The following ADIRF variants were observed in gnomAD, a reference collection of about 807,000 sequenced individuals.
The protein encoded by ADIRF is adipogenesis factor rich in obesity.
Under a neutral mutation model 7.8 loss-of-function variants are expected in ADIRF, and 9 were observed. That is an observed-to-expected ratio of 1.15 (90% CI 0.70 to 2.01). The LOEUF (loss-of-function observed/expected upper bound fraction) is 2.01. ADIRF is among the 30% of genes most tolerant of loss of function. The pLI, the probability that ADIRF is intolerant of heterozygous loss-of-function variation, is 0.00. For missense variants in ADIRF, 106 were observed against 98.1 expected (o/e 1.08, Z -0.34); for synonymous variants, 48 against 39.9 (o/e 1.20, Z -0.77).
rs757221181 is a variant in ADIRF at position 86,968,616 on chromosome 10, C to T, written c.61+11C>T. The T allele has an allele frequency of 2.5e-6, 4 of 1,612,336 alleles. No individual in the cohort carries two copies. The highest frequency in any genetic ancestry group is 3.3e-5 in the Admixed American group (2 of 59,868). ...CCGCCCAGGAAGCCGGTGAGGATAGCGCGCGACCTAGGGCTCAGGCAGGGG... is the reference window on the plus strand; with the variant it reads ...CCGCCCAGGAAGCCGGTGAGGATAGTGCGCGACCTAGGGCTCAGGCAGGGG... On this transcript the variant is annotated intron_variant, in intron 1 of 2. Transcript: ENST00000372013.
chr10:86,968,485 C>A lies in ADIRF; in HGVS notation c.-60C>A. On this transcript the variant is annotated 5_prime_UTR_variant, in exon 1 of 3. In the 5' UTR this introduces an upstream ATG that the reference lacks. Coordinates refer to ENST00000372013, the MANE Select transcript of ADIRF (RefSeq NM_006829.3). ...GGAGCTGGCGCTTGGCATCGCCACT[C>A]TGGGCAGGATCCAACGTCGCTCCAG... 1 of 1,602,194 alleles carries A rather than the reference C, an allele frequency of 6.2e-7. No homozygotes were observed. The highest frequency in any genetic ancestry group is 8.5e-7 in the Non-Finnish European group (1 of 1,172,158).
rs778083964 is a variant in ADIRF, at chr10:86,970,230, T to C, written c.92T>C (p.Val31Ala). 6.8e-7 allele frequency: 1 copy of C among 1,460,132 alleles called. No homozygotes were observed. The highest frequency in any genetic ancestry group is 2.5e-5 in the East Asian group (1 of 40,522). 90.4% of individuals were successfully genotyped at this position (1,460,132 alleles called of 1,614,324 possible). The change falls in exon 2 of 3, where the codon GTG becomes GCG. Residue 31 changes from valine (V) to alanine (A), a missense_variant. Coordinates refer to ENST00000372013, the MANE Select transcript of ADIRF (RefSeq NM_006829.3). The part of the protein sequence containing the change: ...VSAAGAAAQQ[V>A]VDQATEAGQK... Reference sequence around the variant, plus strand: ...GCGGCCGGAGCGGCAGCTCAGCAAGTGGTGGACCAGGCCACAGAGGCGGGG... The same window carrying C: ...GCGGCCGGAGCGGCAGCTCAGCAAGCGGTGGACCAGGCCACAGAGGCGGGG...
intron 1 of ADIRF, 159 bp downstream of exon 1, chr10:86,968,764 C>G: frequency 1.3e-6 from 1 of 754,518 alleles, no homozygotes; most frequent in South Asian, 2.1e-5. Context: ...GAACGCCCAC[C>G]CCGGCGAGCA....
chr10:86,970,255 G>A lies in ADIRF; in HGVS notation c.117G>A (p.Gly39=). Residue 39 remains glycine (G), a synonymous_variant, in exon 2 of 3, where the codon GGG becomes GGA. Coordinates refer to ENST00000372013, the MANE Select transcript of ADIRF (RefSeq NM_006829.3). ...TGGTGGACCAGGCCACAGAGGCGGG[G>A]CAGAAAGGTCTGGTGGGGCTGGAGG... ...QQVVDQATEA[G]QKAMDQLAKT... 2 of 1,461,912 alleles carry A rather than the reference G, an allele frequency of 1.4e-6. No individual in the cohort carries two copies. The highest frequency in any genetic ancestry group is 9.1e-7 in the Non-Finnish European group (1 of 1,104,126). 90.6% of individuals were successfully genotyped at this position (1,461,912 alleles called of 1,614,324 possible).
At chr10:86,970,037 C>T in intron 1 of ADIRF, 163 bp from the exon 2 acceptor site, 1 of 548,250 alleles carries the variant, frequency 1.8e-6, no homozygotes, top group Non-Finnish European at 2.9e-6. Context: ...TCTCCTGCCC[C>T]TCGGGCTGGG....
intron 1 of ADIRF, 134 bp downstream of exon 1, chr10:86,968,739 C>T: frequency 1.1e-5 from 11 of 1,002,392 alleles, no homozygotes; most frequent in East Asian, 2.9e-5. Flanking sequence ...TCCACTGAGA[C>T]GCAGGGGGCA....
At chr10:86,968,759 C>A (rs1240479090) in intron 1 of ADIRF, 154 bp downstream of exon 1, 2 of 783,780 alleles carry the variant, frequency 2.6e-6, no homozygotes, top group African/African-American at 3.6e-5. Context: ...AGGCAGAACG[C>A]CCACCCCGGC....
chr10:86,970,525 T>C lies in ADIRF; in HGVS notation c.174T>C (p.Ala58=). ...CCCAGGAAACCATCGACAAGACTGC[T>C]AACCAGGCCTCTGACACCTTCTCTG... ...KTTQETIDKT[A]NQASDTFSGI... The change falls in exon 3 of 3, where the codon GCT becomes GCC. Residue 58 remains alanine (A), a synonymous_variant. Transcript: ENST00000372013. The C allele has an allele frequency of 1.2e-6, 2 of 1,613,590 alleles. No homozygotes were observed. Among genetic ancestry groups the C allele is most frequent in the Non-Finnish European group, 1.7e-6 (2 of 1,179,848 alleles).
At chr10:86,968,838 G>T in intron 1 of ADIRF, 3 of 506,986 alleles carry the variant, frequency 5.9e-6, no homozygotes, top group Non-Finnish European at 1.0e-5. Context: ...GCTGCGCTGC[G>T]GGCACTGCGG....
At chr10:86,970,425 C>G (rs754155854) in intron 2 of ADIRF, 51 bp from the exon 3 acceptor site, 2 of 1,556,774 alleles carry the variant, frequency 1.3e-6, no homozygotes, top group South Asian at 1.2e-5. Context: ...CCTACAGGCA[C>G]TGTGGTTCCC....
intron 1 of ADIRF, 97 bp downstream of exon 1, chr10:86,968,702 G>C (rs765192041): frequency 6.8e-5 from 96 of 1,416,102 alleles, no homozygotes; most frequent in Middle Eastern, 1.8e-4. Context: ...TTCCTGGACC[G>C]GCAGCTTGGC....
intron 1 of ADIRF, chr10:86,968,949 T>A (rs1844526143): frequency 3.5e-6 from 1 of 281,858 alleles, no homozygotes; most frequent in African/African-American, 2.2e-5. Flanking sequence ...CCGCCACCAC[T>A]TAAACCCGCG....
At position 86,968,554 on chromosome 10, in the gene ADIRF, A is replaced by G; in HGVS notation, c.10A>G (p.Lys4Glu). 1.2e-6 allele frequency: 2 copies of G among 1,613,584 alleles called. No individual in the cohort carries two copies. Among genetic ancestry groups the G allele is most frequent in the Non-Finnish European group, 1.7e-6 (2 of 1,179,810 alleles). MAS[K>E]GLQDLKQQVE... The stretch of plus-strand genomic sequence containing the variant: ...CAGATACCCCGAAGCCATGGCAAGC[A>G]AGGGCTTGCAGGACCTGAAGCAACA... The change falls in exon 1 of 3, where the codon AAG (lysine) becomes GAG (glutamate). Residue 4 changes from lysine (K) to glutamate (E), a missense_variant. Lys to Glu is a moderately conservative substitution (Grantham distance 56, BLOSUM62 1). Transcript: ENST00000372013.
At chr10:86,968,761 C>T (rs1844519025) in intron 1 of ADIRF, 156 bp downstream of exon 1, 1 of 775,652 alleles carries the variant, frequency 1.3e-6, no homozygotes, top group Non-Finnish European at 2.0e-6. Context: ...GCAGAACGCC[C>T]ACCCCGGCGA....
chr10:86,970,751 T>G lies in ADIRF; in HGVS notation c.*169T>G. 2.4e-5 allele frequency: 16 copies of G among 671,336 alleles called. No homozygotes were observed. Among genetic ancestry groups the G allele is most frequent in the East Asian group, 6.2e-5 (2 of 32,424 alleles). 41.6% of individuals were successfully genotyped at this position (671,336 alleles called of 1,614,324 possible). On this transcript the variant is annotated 3_prime_UTR_variant, in exon 3 of 3. Transcript: ENST00000372013. ...TTCCCACCCTGTGTCCACTTCATGA[T>G]TCCTCGCAAGCTGGGCCCAGTCCTC...
At chr10:86,969,215 T>TCCTG (rs1342532553) in intron 1 of ADIRF, 1 of 152,540 alleles carries the variant, frequency 6.6e-6, no homozygotes, top group Non-Finnish European at 1.5e-5. Context: ...TCCCTGTCAG[T>TCCTG]CCTGCCCATA....
chr10:86,969,969 C>G (rs1460645938), intron 1 of ADIRF: 2 of 359,980 alleles, frequency 5.6e-6, no homozygotes, highest in African/African-American at 2.1e-5. Context: ...GCTCCTCCCC[C>G]ACAGAGAAGG....
chr10:86,970,156 G>A, intron 1 of ADIRF, 44 bp from the exon 2 acceptor site: 7 of 1,418,258 alleles, frequency 4.9e-6, no homozygotes, highest in East Asian at 2.5e-5. Context: ...CCTGTAGTCG[G>A]TGGTGCCTCA....
Position 86,970,473 on chromosome 10 carries a change from C to T in ADIRF, c.125-3C>T, listed in dbSNP as rs112826163. 7 of 1,611,740 alleles carry T rather than the reference C, an allele frequency of 4.3e-6. No homozygotes were observed. In the Admixed American group the frequency reaches 8.4e-5, roughly 19 times the overall value. ...ACCTGCCCTCTCTCCCGCCCTTCCCCAGCCATGGACCAGCTGGCCAAGACC... is the reference window on the plus strand; with the variant it reads ...ACCTGCCCTCTCTCCCGCCCTTCCCTAGCCATGGACCAGCTGGCCAAGACC... On this transcript the variant is annotated splice_region_variant and splice_polypyrimidine_tract_variant and intron_variant, in intron 2 of 2. Transcript: ENST00000372013.
Sources: allele counts gnomAD v4.1 joint callset, GRCh38; gene constraint gnomAD v4.1.1; transcripts MANE v1.5; gene names NCBI Gene and HGNC (gene_info 2026-07-23, HGNC 2026-07-21).